The following SYNE1 variants were observed in gnomAD, a reference collection of about 807,000 sequenced individuals.
SYNE1 encodes the protein nesprin-1.
In SYNE1, 616 loss-of-function variants were observed where a neutral mutation model predicts 1,111.0. The observed-to-expected ratio is 0.55, with a 90% CI of 0.52 to 0.59. The LOEUF is 0.59. Among genes scored for constraint, SYNE1 ranks in the 20% least tolerant of loss-of-function variants. SYNE1 has a pLI of 0.00. For synonymous variants in SYNE1, 3,855 were observed against 3,825.8 expected (o/e 1.01, Z -0.28); for missense variants, 10,006 against 10,417.0 (o/e 0.96, Z 1.72).
At chr6:152,230,835 T>TA in intron 114 of SYNE1, 133 bp from the exon 115 acceptor site, 1 of 1,039,824 alleles carries the variant, frequency 9.6e-7, no homozygotes, top group Non-Finnish European at 1.4e-6. Flanking sequence ...ATATATGATT[T>TA]AAAACAGGGG....
In SYNE1 at chr6:152,214,762, C is replaced by T. The variant is rs555872504; in HGVS notation, c.22346+144G>A. ...ACAACTGAATCTGCTAGCACCTTGA[C>T]TGCGGACTTCCCAGTCTCCAGAACT... On this transcript the variant is annotated intron_variant, in intron 122 of 145. Transcript: ENST00000367255. 782 of 1,113,318 alleles carry T rather than the reference C, an allele frequency of 7.0e-4. 11 individuals carry two copies. In the South Asian group the frequency reaches 9.9e-3, roughly 14 times the overall value. The allele number at this position is 1,113,318 out of a possible 1,614,324, so 69.0% of individuals were successfully genotyped here. A position where few individuals can be genotyped will look rare whatever the true frequency, so the allele number is the denominator to read the frequency against.
Position 152,331,370 on chromosome 6 carries a change from C to T in SYNE1, c.13315G>A (p.Asp4439Asn). The T allele has an allele frequency of 1.9e-6, 3 of 1,614,190 alleles. No individual in the cohort carries two copies. The highest frequency in any genetic ancestry group is 2.5e-6 in the Non-Finnish European group (3 of 1,180,044). ...TACTTTCTTCGCTGGCCCACTAAGT[C>T]ACTGAGACAATTCACGTGGCTTTGT... ...DAQSHVNCLS[D>N]LVGQRRKYLN... Residue 4439 changes from aspartate to asparagine, a missense_variant, in exon 78 of 146, where the codon GAC (aspartate) becomes AAC (asparagine). Physicochemically the swap from Asp to Asn is conservative, Grantham distance 23. Around this residue, in one of 7 missense-constraint regions of SYNE1, gnomAD observed 4,955 missense variants for 5,017.2 expected, o/e 0.99. Transcript: ENST00000367255.
chr6:152,189,693 C>T (rs1157370202), intron 127 of SYNE1, among the ~76,000 whole-genome samples: 1 of 152,064 alleles, frequency 6.6e-6, no homozygotes, highest in Non-Finnish European at 1.5e-5. Flanking sequence ...TAGCATATGT[C>T]TAAAAAAACC....
intron 3 of SYNE1, among the ~76,000 whole-genome samples, chr6:152,564,611 C>T (rs553201471): frequency 1.3e-5 from 2 of 152,258 alleles, no homozygotes; most frequent in South Asian, 4.1e-4. Flanking sequence ...GCCACCGTGC[C>T]TGGACAGGAA....
intron 58 of SYNE1, among the ~76,000 whole-genome samples, chr6:152,375,289 GTTATA>G (rs1212619857): frequency 1.1e-4 from 17 of 152,226 alleles, no homozygotes; most frequent in East Asian, 3.9e-4. Flanking sequence ...GAGTTGTCCT[GTTATA>G]TTAAGTTATT....
intron 9 of SYNE1, among the ~76,000 whole-genome samples, chr6:152,504,424 T>A (rs1445209986): frequency 6.6e-6 from 1 of 152,134 alleles, no homozygotes; most frequent in Non-Finnish European, 1.5e-5. Context: ...TAAAAATAAT[T>A]TTTGGTGGAT....
chr6:152,605,191 A>T (rs2099611612), intron 3 of SYNE1, among the ~76,000 whole-genome samples: 1 of 151,966 alleles, frequency 6.6e-6, no homozygotes, highest in Admixed American at 6.6e-5. Context: ...AATAACAACT[A>T]TATTTTATAA....
chr6:152,164,234 C>T lies in SYNE1; in HGVS notation c.23719G>A (p.Glu7907Lys). Residue 7907 changes from glutamate to lysine, a missense_variant, in exon 131 of 146, where the codon GAG becomes AAG. Transcript: ENST00000367255. The stretch of plus-strand genomic sequence containing the variant: ...TCGTAGACTATTGGCTTGGCCAGCT[C>T]TGACTCGATGTGAGCGAGCCAGGTC... Reference protein sequence around the residue: ...LRTWLAHIESELAKPIVYDSC... With the variant: ...LRTWLAHIESKLAKPIVYDSC... 6.2e-7 allele frequency: 1 copy of T among 1,614,178 alleles called. No individual in the cohort carries two copies. Among genetic ancestry groups the T allele is most frequent in the Non-Finnish European group, 8.5e-7 (1 of 1,180,036 alleles).
intron 95 of SYNE1, among the ~76,000 whole-genome samples, chr6:152,286,395 G>A (rs2094329046): frequency 6.6e-6 from 1 of 152,156 alleles, no homozygotes; most frequent in Non-Finnish European, 1.5e-5. Context: ...ACGATGCACT[G>A]CTCTGTGTCT....
chr6:152,330,508 A>G lies in SYNE1; in HGVS notation c.14177T>C (p.Leu4726Pro). Reference sequence around the variant, plus strand: ...GTTCAGTTCATCCACCGCCTCCCCAAGGCCCGCCACCTCGTCCAGAATGGC... The same window carrying G: ...GTTCAGTTCATCCACCGCCTCCCCAGGGCCCGCCACCTCGTCCAGAATGGC... ...CRAILDEVAG[L>P]GEAVDELNQK... The change falls in exon 78 of 146, where the codon CTT (leucine) becomes CCT (proline). Residue 4726 changes from leucine (L) to proline (P), a missense_variant. Leu to Pro is a moderately conservative substitution (Grantham distance 98). Coordinates refer to ENST00000367255, the MANE Select transcript of SYNE1 (RefSeq NM_182961.4). 6.2e-7 allele frequency: 1 copy of G among 1,614,086 alleles called. No individual in the cohort carries two copies. Among genetic ancestry groups the G allele is most frequent in the Non-Finnish European group, 8.5e-7 (1 of 1,180,018 alleles).
intron 3 of SYNE1, among the ~76,000 whole-genome samples, chr6:152,577,957 C>T (rs915670080): frequency 6.6e-6 from 1 of 152,120 alleles, no homozygotes; most frequent in African/African-American, 2.4e-5. Flanking sequence ...TCTCTACATC[C>T]TGCATTTTTC....
intron 87 of SYNE1, among the ~76,000 whole-genome samples, chr6:152,311,370 G>A (rs2095540619): frequency 6.6e-6 from 1 of 152,194 alleles, no homozygotes; most frequent in Admixed American, 6.5e-5. Context: ...TGCTTTAAGT[G>A]AGACAAAGGG....
Position 152,353,607 on chromosome 6 carries a change from G to C in SYNE1, c.11064C>G (p.Ala3688=), listed in dbSNP as rs2096780614. Residue 3688 remains alanine, a synonymous_variant, in exon 68 of 146, where the codon GCC becomes GCG. Transcript: ENST00000367255. ...CACTCACCAGCACTTGGAGAAGCAG[G>C]GCCTGGTATCTGGAAGTCAGCTGGG... is the stretch of plus-strand genomic sequence containing the variant. ...QATQLTSRYQ[A]LLLQVLEQIK... is the part of the protein sequence containing the mutation. 6.2e-7 allele frequency: 1 copy of C among 1,614,074 alleles called. No homozygotes were observed. Among genetic ancestry groups the C allele is most frequent in the Non-Finnish European group, 8.5e-7 (1 of 1,180,040 alleles).
intron 100 of SYNE1, among the ~76,000 whole-genome samples, chr6:152,265,568 C>T (rs1314726988): frequency 2.0e-5 from 3 of 151,778 alleles, no homozygotes; most frequent in Non-Finnish European, 4.4e-5. Flanking sequence ...ACTTTTAATT[C>T]ATTTGTATTT....
intron 25 of SYNE1, 32 bp from the exon 26 acceptor site, chr6:152,451,237 G>T: frequency 6.2e-7 from 1 of 1,608,944 alleles, no homozygotes; most frequent in East Asian, 2.2e-5. Context: ...AGAAAATTAG[G>T]ATGAAGTTCC....
intron 84 of SYNE1, 115 bp downstream of exon 84, chr6:152,321,122 AT>A (rs1226662531): frequency 1.9e-4 from 224 of 1,198,674 alleles, no homozygotes; most frequent in East Asian, 5.1e-4. Context: ...ATAGCCATCT[AT>A]TTTTTTTAAC....
Position 152,319,024 on chromosome 6 carries a change from A to G in SYNE1, c.16237-9T>C, listed in dbSNP as rs1287515449. 3.1e-6 allele frequency: 5 copies of G among 1,614,032 alleles called. No individual in the cohort carries two copies. Among genetic ancestry groups the G allele is most frequent in the East Asian group, 4.5e-5 (2 of 44,878 alleles). ...TTTATTTTGTCTTGGATCTAAAAAA[A>G]TCAGTAAGAACAGCAAAACAAGCCA... On this transcript the variant is annotated splice_polypyrimidine_tract_variant and intron_variant, in intron 84 of 145. Transcript: ENST00000367255.
intron 95 of SYNE1, among the ~76,000 whole-genome samples, chr6:152,290,552 T>C (rs1401801169): frequency 6.6e-6 from 1 of 151,796 alleles, no homozygotes; most frequent in African/African-American, 2.4e-5. Context: ...TGAGACTCTG[T>C]CTCAAAAAAA....
intron 127 of SYNE1, among the ~76,000 whole-genome samples, chr6:152,196,744 G>A (rs1402775052): frequency 6.6e-6 from 1 of 151,912 alleles, no homozygotes. Context: ...CCTGGGGTTG[G>A]GGGAGGATTG....
Sources: allele counts gnomAD v4.1 joint callset (sites outside exome capture counted in the v4.1 genomes callset), GRCh38; gene constraint gnomAD v4.1.1; regional missense constraint gnomAD v4.1.1; transcripts MANE v1.5; gene names NCBI Gene and HGNC (gene_info 2026-07-23, HGNC 2026-07-21).